Variants in TSNARE1 observed in about 807,000 individuals in gnomAD.
TSNARE1 encodes the protein t-SNARE domain-containing protein 1.
Under a neutral mutation model 62.0 loss-of-function variants are expected in TSNARE1, and 49 were observed. That is an observed-to-expected ratio of 0.79 (90% CI 0.63 to 1.00). TSNARE1 has a LOEUF of 1.00. Among genes scored for constraint, TSNARE1 ranks in the 50% least tolerant of loss-of-function variants. The probability of loss-of-function intolerance (pLI) is 0.00; values close to 1 mark genes in which losing one functional copy is unlikely to be tolerated. For synonymous variants in TSNARE1, 328 were observed against 294.4 expected (o/e 1.11, Z -1.17); for missense variants, 755 against 700.1 (o/e 1.08, Z -0.88).
chr8:142,251,054 C>T (rs997954477), intron 12 of TSNARE1, among the ~76,000 whole-genome samples: 3 of 152,188 alleles, frequency 2.0e-5, no homozygotes, highest in East Asian at 1.9e-4. Context: ...TGGTGCAGCT[C>T]GCCAGGCAGA....
At chr8:142,381,923 C>A (rs566936874) in intron 1 of TSNARE1, among the ~76,000 whole-genome samples, 66 of 152,316 alleles carry the variant, frequency 4.3e-4, no homozygotes, top group Non-Finnish European at 6.9e-4. Context: ...ACGGCTCATG[C>A]CCGCACCCAC....
At chr8:142,362,130 C>T (rs544869404) in intron 1 of TSNARE1, among the ~76,000 whole-genome samples, 17 of 152,352 alleles carry the variant, frequency 1.1e-4, no homozygotes, top group Admixed American at 1.1e-3. Context: ...TTCACCACAC[C>T]CCTAACACAG....
At chr8:142,288,599 G>A (rs1823199775) in intron 10 of TSNARE1, among the ~76,000 whole-genome samples, 1 of 152,254 alleles carries the variant, frequency 6.6e-6, no homozygotes, top group Non-Finnish European at 1.5e-5. Context: ...GCTGACAGGA[G>A]CCGGCACTCG....
chr8:142,302,035 C>A (rs1220689890), intron 9 of TSNARE1, among the ~76,000 whole-genome samples: 1 of 152,206 alleles, frequency 6.6e-6, no homozygotes, highest in East Asian at 1.9e-4. Flanking sequence ...GCCACTGCTA[C>A]CTTTACTTGC....
Position 142,274,860 on chromosome 8 carries a change from C to A in TSNARE1, c.1367G>T (p.Ser456Ile). 6.4e-7 allele frequency: 1 copy of A among 1,562,414 alleles called. No individual in the cohort carries two copies. Among genetic ancestry groups the A allele is most frequent in the Non-Finnish European group, 8.7e-7 (1 of 1,154,698 alleles). Residue 456 changes from serine (S) to isoleucine (I), a missense_variant, in exon 12 of 14, where the codon AGT becomes ATT. Ser to Ile is a moderately radical substitution (Grantham distance 142, BLOSUM62 -2). Coordinates refer to ENST00000524325, the MANE Select transcript of TSNARE1 (RefSeq NM_145003.5). ...CGCAGCCTCAAGGCTGGCTTCAATA[C>A]TATCTGCAAATCAAGACAACAGAAG... ...MVSEQGEAVD[S>I]IEASLEAASS...
At chr8:142,353,976 G>A (rs914446333) in intron 2 of TSNARE1, among the ~76,000 whole-genome samples, 4 of 152,098 alleles carry the variant, frequency 2.6e-5, no homozygotes, top group Admixed American at 1.3e-4. Context: ...CCCTCATGGC[G>A]GCTGCCCTGA....
At chr8:142,294,153 G>A (rs561692022) in intron 10 of TSNARE1, among the ~76,000 whole-genome samples, 1 of 152,208 alleles carries the variant, frequency 6.6e-6, no homozygotes, top group African/African-American at 2.4e-5. Flanking sequence ...AGGATGCAGA[G>A]TGGCCAGAGG....
rs184399643 is a variant in TSNARE1 at position 142,356,542 on chromosome 8, G to A, written c.-39-1779C>T. Among the ~76,000 whole-genome samples, 639 of 152,314 alleles carry A rather than the reference G, an allele frequency of 4.2e-3. 11 individuals are homozygous for A. Among genetic ancestry groups the A allele is most frequent in the East Asian group, 0.025 (132 of 5,190 alleles). On this transcript the variant is annotated intron_variant, in intron 1 of 13. Coordinates refer to ENST00000524325, the MANE Select transcript of TSNARE1 (RefSeq NM_145003.5). ...ATGTGCCGGGGCCTCATCGGGAAAA[G>A]CTCAGATGTGGAAGACAGCCCAAGA...
rs370961209 is a variant in TSNARE1, at chr8:142,345,772, G to T, written c.209C>A (p.Thr70Lys). The change falls in exon 3 of 14, where the codon ACG (threonine) becomes AAG (lysine). Residue 70 changes from threonine to lysine, a missense_variant. Coordinates refer to ENST00000524325, the MANE Select transcript of TSNARE1 (RefSeq NM_145003.5). ...DGEGDLGPAG[T>K]PIVPRARKRG... ...CTTCCTGGCCCTTGGGACAATAGGC[G>T]TGCCTGCTGGCCCCAGATCACCTTC... 1.1e-5 allele frequency: 18 copies of T among 1,612,878 alleles called. No homozygotes were observed. In the Middle Eastern group the frequency reaches 8.2e-4, roughly 74 times the overall value.
At chr8:142,276,381 GCCACT>G (rs1413715657) in intron 11 of TSNARE1, 3 of 985,326 alleles carry the variant, frequency 3.0e-6, no homozygotes, top group Non-Finnish European at 3.6e-6. Context: ...CCCCACAATT[GCCACT>G]CAGGAGGGAC....
intron 13 of TSNARE1, among the ~76,000 whole-genome samples, chr8:142,215,216 C>T (rs1815775284): frequency 6.6e-6 from 1 of 152,232 alleles, no homozygotes; most frequent in Non-Finnish European, 1.5e-5. Context: ...CTGCACTGCT[C>T]TGGCAGAGTG....
chr8:142,277,500 A>T (rs895740455), intron 11 of TSNARE1: 3 of 985,334 alleles, frequency 3.0e-6, no homozygotes, highest in South Asian at 4.7e-5. Flanking sequence ...AGCGGAAAGC[A>T]TGGCCGGCTC....
At chr8:142,215,888 C>T (rs932721702) in intron 13 of TSNARE1, among the ~76,000 whole-genome samples, 5 of 152,224 alleles carry the variant, frequency 3.3e-5, no homozygotes, top group African/African-American at 7.2e-5. Flanking sequence ...GCCAACCCTC[C>T]GCCTGCACCC....
intron 1 of TSNARE1, among the ~76,000 whole-genome samples, chr8:142,358,689 C>T (rs1456302656): frequency 2.0e-5 from 3 of 151,986 alleles, no homozygotes; most frequent in African/African-American, 7.3e-5. Context: ...TCTGGAAACA[C>T]GAAATGGCAG....
chr8:142,283,221 G>GGTC (rs1821987841), intron 11 of TSNARE1, among the ~76,000 whole-genome samples: 1 of 150,144 alleles, frequency 6.7e-6, no homozygotes, highest in African/African-American at 2.5e-5. Flanking sequence ...GCAAAAGCGG[G>GGTC]ATCAGTGTCT....
intron 12 of TSNARE1, among the ~76,000 whole-genome samples, chr8:142,244,134 C>T (rs112091165): frequency 0.02 from 2,985 of 152,264 alleles, 88 homozygotes; most frequent in African/African-American, 0.062. Context: ...TGCAGTGAGC[C>T]GAGATCGCGC....
At chr8:142,290,147 T>C (rs998032862) in intron 10 of TSNARE1, among the ~76,000 whole-genome samples, 6 of 152,090 alleles carry the variant, frequency 3.9e-5, no homozygotes, top group Non-Finnish European at 7.4e-5. Context: ...GGTGGGAGCC[T>C]AGTTCCAGGC....
chr8:142,385,743 A>G (rs1408819207), intron 1 of TSNARE1, among the ~76,000 whole-genome samples: 1 of 152,214 alleles, frequency 6.6e-6, no homozygotes, highest in African/African-American at 2.4e-5. Context: ...AAAACAAAAT[A>G]CATTCATTTT....
chr8:142,257,502 C>T (rs1319302105), intron 12 of TSNARE1, among the ~76,000 whole-genome samples: 1 of 152,124 alleles, frequency 6.6e-6, no homozygotes, highest in Non-Finnish European at 1.5e-5. Flanking sequence ...CCCCTGTAGG[C>T]CACCACATTC....
Sources: allele counts gnomAD v4.1 joint callset (sites outside exome capture counted in the v4.1 genomes callset), GRCh38; gene constraint gnomAD v4.1.1; transcripts MANE v1.5; gene names NCBI Gene and HGNC (gene_info 2026-07-23, HGNC 2026-07-21).